ANO10: variants seen among roughly 807,000 people sequenced by gnomAD.
ANO10 encodes the protein anoctamin 10, also known as anoctamin-10.
In ANO10, 77 loss-of-function variants were observed where a neutral mutation model predicts 74.7. That is an observed-to-expected ratio of 1.03 (90% confidence interval 0.86 to 1.25). The LOEUF is 1.25. Among genes scored for constraint, ANO10 ranks in the 50% most tolerant of loss-of-function variants. ANO10 has a pLI of 0.00. For synonymous variants in ANO10, 279 were observed against 284.9 expected, an observed-to-expected ratio of 0.98 and a Z score of 0.21; for missense variants, 721 against 778.1, an observed-to-expected ratio of 0.93 and a Z score of 0.87.
intron 12 of ANO10, among the ~76,000 whole-genome samples, chr3:43,378,664 T>TC (rs1463063226): frequency 6.6e-6 from 1 of 152,106 alleles, no homozygotes; most frequent in East Asian, 1.9e-4. Context: ...CATGTACCCT[T>TC]CCCCCCAGAG....
At chr3:43,537,914 C>T (rs2078787073) in intron 11 of ANO10, among the ~76,000 whole-genome samples, 1 of 151,916 alleles carries the variant, frequency 6.6e-6, no homozygotes, top group South Asian at 2.1e-4. Flanking sequence ...CACATGGCAC[C>T]CTGGAGGACT....
intron 11 of ANO10, among the ~76,000 whole-genome samples, chr3:43,485,404 G>C (rs933965785): frequency 2.6e-5 from 4 of 152,166 alleles, no homozygotes; most frequent in Non-Finnish European, 4.4e-5. Flanking sequence ...CATTGTTCCT[G>C]CACGGGTTTG....
At chr3:43,578,888 A>G (rs904819150) in intron 5 of ANO10, among the ~76,000 whole-genome samples, 3 of 152,098 alleles carry the variant, frequency 2.0e-5, no homozygotes, top group Non-Finnish European at 4.4e-5. Flanking sequence ...ATATAAAATG[A>G]CTATTGTATG....
chr3:43,456,982 CAT>C (rs746757991), intron 11 of ANO10, among the ~76,000 whole-genome samples: 1 of 152,158 alleles, frequency 6.6e-6, no homozygotes, highest in Non-Finnish European at 1.5e-5. Flanking sequence ...AGTACATTAC[CAT>C]TCTATAAACT....
chr3:43,548,059 C>G (rs2079280473), intron 11 of ANO10, among the ~76,000 whole-genome samples: 1 of 152,130 alleles, frequency 6.6e-6, no homozygotes. Context: ...ACCAAGAAAT[C>G]TTCTAATAAC....
chr3:43,458,748 G>A (rs915012737), intron 11 of ANO10, among the ~76,000 whole-genome samples: 35 of 152,214 alleles, frequency 2.3e-4, no homozygotes, highest in South Asian at 6.2e-4. Flanking sequence ...CTATCAACTC[G>A]TGATCTAGGT....
At chr3:43,511,462 T>C (rs2077505668) in intron 11 of ANO10, among the ~76,000 whole-genome samples, 1 of 152,192 alleles carries the variant, frequency 6.6e-6, no homozygotes, top group Non-Finnish European at 1.5e-5. Flanking sequence ...TAACATCCCA[T>C]CCCTATCTCT....
At chr3:43,397,174 C>G (rs1218072984) in intron 12 of ANO10, among the ~76,000 whole-genome samples, 3 of 152,144 alleles carry the variant, frequency 2.0e-5, no homozygotes, top group African/African-American at 7.2e-5. Context: ...GGTAATCCAC[C>G]TGCCTCAGCC....
At chr3:43,573,958 T>C (rs1559724343) in intron 7 of ANO10, among the ~76,000 whole-genome samples, 1 of 152,304 alleles carries the variant, frequency 6.6e-6, no homozygotes, top group East Asian at 1.9e-4. Context: ...GTTATTGTTG[T>C]TGTTTTTGTT....
chr3:43,596,000 C>T (rs1446784618), intron 4 of ANO10, among the ~76,000 whole-genome samples: 2 of 152,122 alleles, frequency 1.3e-5, no homozygotes, highest in Admixed American at 6.6e-5. Context: ...CATGAGTGAA[C>T]TCCCATTCAC....
At chr3:43,668,849 T>C (rs2084022245) in intron 1 of ANO10, among the ~76,000 whole-genome samples, 1 of 152,202 alleles carries the variant, frequency 6.6e-6, no homozygotes, top group South Asian at 2.1e-4. Context: ...TTTGTTGTTC[T>C]TTTCTTTGTT....
chr3:43,428,420 A>C, intron 12 of ANO10, among the ~76,000 whole-genome samples: 1 of 152,098 alleles, frequency 6.6e-6, no homozygotes, highest in East Asian at 1.9e-4. Flanking sequence ...GAGGGAGAAT[A>C]CTTCTTCTGG....
At chr3:43,572,237 C>A (rs957260658) in intron 7 of ANO10, among the ~76,000 whole-genome samples, 50 of 150,462 alleles carry the variant, frequency 3.3e-4, no homozygotes, top group Non-Finnish European at 5.9e-4. Context: ...TCAATCAGGA[C>A]CCCCCCACCA....
chr3:43,383,860 A>C (rs1166787397), intron 12 of ANO10, among the ~76,000 whole-genome samples: 2 of 152,224 alleles, frequency 1.3e-5, no homozygotes, highest in Non-Finnish European at 2.9e-5. Context: ...CCCTGGAACA[A>C]GACAAGGATG....
chr3:43,578,463 A>T (rs2081112816), intron 5 of ANO10, among the ~76,000 whole-genome samples: 1 of 152,034 alleles, frequency 6.6e-6, no homozygotes, highest in Non-Finnish European at 1.5e-5. Context: ...GAAGTAGCTA[A>T]CAGAGGCCGG....
At chr3:43,411,820 G>A (rs980639136) in intron 12 of ANO10, among the ~76,000 whole-genome samples, 1 of 152,028 alleles carries the variant, frequency 6.6e-6, no homozygotes, top group African/African-American at 2.4e-5. Context: ...ATTAGTTTCA[G>A]GCGGAATAGC....
intron 11 of ANO10, among the ~76,000 whole-genome samples, chr3:43,525,759 T>C: frequency 6.6e-6 from 1 of 152,188 alleles, no homozygotes; most frequent in East Asian, 1.9e-4. Flanking sequence ...CAAAGAGCGG[T>C]GGCCCAGTTT....
intron 11 of ANO10, among the ~76,000 whole-genome samples, chr3:43,465,903 T>C (rs2149039429): frequency 6.6e-6 from 1 of 152,326 alleles, no homozygotes; most frequent in South Asian, 2.1e-4. Context: ...ATTGTTAAAA[T>C]GTCAGTTTAT....
rs2082529204 is a variant in ANO10 at position 43,605,719 on chromosome 3, T to A, written c.134A>T (p.Asp45Val). 6.2e-7 allele frequency: 1 copy of A among 1,613,290 alleles called. No homozygotes were observed. Among genetic ancestry groups the A allele is most frequent in the African/African-American group, 1.3e-5 (1 of 74,872 alleles). ...GCAGTGACTATTTTACTCACCTCCA[T>A]CTTTTTTTTTAGCTATAATTCTGTT... ...LKNRIIAKKK[D>V]GGAQLLFRPL... The change falls in exon 2 of 13, where the codon GAT becomes GTT. Residue 45 changes from aspartate (D) to valine (V), a missense_variant. Asp to Val is a radical substitution (Grantham distance 152). Coordinates refer to ENST00000292246, the MANE Select transcript of ANO10 (RefSeq NM_018075.5).
Sources: gnomAD v4.1 joint callset for allele counts (sites outside exome capture counted in the v4.1 genomes callset) on GRCh38, gnomAD v4.1.1 for gene constraint, MANE v1.5 for transcripts, NCBI Gene and HGNC (gene_info 2026-07-23, HGNC 2026-07-21) for gene names.